Variants in PXDN observed in about 807,000 individuals in gnomAD.
PXDN encodes peroxidasin, also known as peroxidasin homolog.
A neutral mutation model predicts 140.3 loss-of-function variants in PXDN; 77 were observed. That is an observed-to-expected ratio of 0.55 (90% confidence interval 0.46 to 0.66). PXDN has a LOEUF of 0.66. PXDN is among the 30% of genes least tolerant of loss of function. The pLI, the probability that PXDN is intolerant of heterozygous loss-of-function variation, is 0.00. For synonymous variants in PXDN, 911 were observed against 857.4 expected, an observed-to-expected ratio of 1.06 and a Z score of -1.09; for missense variants, 1,838 against 2,039.5, an observed-to-expected ratio of 0.90 and a Z score of 1.90.
At chr2:1,657,998 T>C (rs1251151770) in intron 14 of PXDN, among the ~76,000 whole-genome samples, 1 of 111,604 alleles carries the variant, frequency 9.0e-6, no homozygotes, top group Non-Finnish European at 1.8e-5. Flanking sequence ...CCTTGTCTCT[T>C]CCTCCTGAGC....
chr2:1,737,284 A>G (rs1020903204), intron 1 of PXDN, among the ~76,000 whole-genome samples: 2 of 152,122 alleles, frequency 1.3e-5, no homozygotes, highest in Non-Finnish European at 2.9e-5. Flanking sequence ...TCTTAGCTTG[A>G]AACAGGAGGG....
intron 1 of PXDN, among the ~76,000 whole-genome samples, chr2:1,722,966 G>C (rs1685087739): frequency 6.6e-6 from 1 of 152,240 alleles, no homozygotes; most frequent in Non-Finnish European, 1.5e-5. Context: ...TGTATGTGTG[G>C]ATGGATGGAT....
chr2:1,739,632 C>T (rs1449187622), intron 1 of PXDN, among the ~76,000 whole-genome samples: 4 of 152,142 alleles, frequency 2.6e-5, no homozygotes. Flanking sequence ...CACATACTCC[C>T]TGGATGGCAA....
chr2:1,738,192 T>A (rs1685461309), intron 1 of PXDN, among the ~76,000 whole-genome samples: 2 of 151,950 alleles, frequency 1.3e-5, no homozygotes, highest in African/African-American at 4.9e-5. Flanking sequence ...CATTTTCTTC[T>A]GAACCCCAAA....
intron 4 of PXDN, among the ~76,000 whole-genome samples, chr2:1,684,945 G>A (rs1474109730): frequency 6.6e-6 from 1 of 152,202 alleles, no homozygotes; most frequent in Non-Finnish European, 1.5e-5. Flanking sequence ...CCTGCAACCA[G>A]CACACATTTT....
intron 1 of PXDN, among the ~76,000 whole-genome samples, chr2:1,724,477 T>C (rs1446061858): frequency 6.6e-6 from 1 of 152,156 alleles, no homozygotes; most frequent in Non-Finnish European, 1.5e-5. Flanking sequence ...TCTTTATGAG[T>C]GTTTATCTAT....
chr2:1,679,954 T>C (rs1683845946), intron 7 of PXDN, among the ~76,000 whole-genome samples: 1 of 142,176 alleles, frequency 7.0e-6, no homozygotes, highest in African/African-American at 2.6e-5. Context: ...TGTGTGTGGT[T>C]TGTGTCTACG....
chr2:1,650,395 A>G (rs1682986897), intron 16 of PXDN, among the ~76,000 whole-genome samples: 1 of 152,214 alleles, frequency 6.6e-6, no homozygotes, highest in East Asian at 1.9e-4. Flanking sequence ...CGACTAGGTC[A>G]CCTTCTTGCT....
intron 9 of PXDN, among the ~76,000 whole-genome samples, chr2:1,672,720 G>A (rs1281606484): frequency 6.6e-6 from 1 of 152,204 alleles, no homozygotes; most frequent in Non-Finnish European, 1.5e-5. Context: ...GCAGAGACCA[G>A]GCCAATTAAG....
chr2:1,679,253 G>A (rs543618275), intron 7 of PXDN, among the ~76,000 whole-genome samples: 17 of 150,288 alleles, frequency 1.1e-4, no homozygotes, highest in South Asian at 4.3e-4. Flanking sequence ...TGGCATGTGC[G>A]TGTGTGGTGT....
chr2:1,727,203 C>T (rs1011821464), intron 1 of PXDN, among the ~76,000 whole-genome samples: 6 of 152,332 alleles, frequency 3.9e-5, no homozygotes, highest in African/African-American at 1.4e-4. Flanking sequence ...GCCCACCCTC[C>T]ACCCGGAGAA....
At chr2:1,638,704 C>T (rs954592964) in intron 21 of PXDN, 142 bp downstream of exon 21, 6 of 1,321,332 alleles carry the variant, frequency 4.5e-6, no homozygotes, top group Non-Finnish European at 4.2e-6. Context: ...AGAAATGACA[C>T]CCCCAAGGCT....
chr2:1,740,860 G>A (rs1248209067), intron 1 of PXDN, among the ~76,000 whole-genome samples: 1 of 152,214 alleles, frequency 6.6e-6, no homozygotes, highest in Non-Finnish European at 1.5e-5. Context: ...TTCTGCAGGA[G>A]AGGAGGCCCC....
rs1407123799 is a variant in PXDN, at chr2:1,648,607, T to C, written c.3173A>G (p.Asn1058Ser). 1.2e-6 allele frequency: 2 copies of C among 1,611,078 alleles called. No individual in the cohort carries two copies. Among genetic ancestry groups the C allele is most frequent in the Non-Finnish European group, 1.7e-6 (2 of 1,179,220 alleles). ...GGCGAAGGCGTTGAAGATGCCAGCA[T>C]TGATGCCGGGGTCGTAGCCGTGGTA... ...GEYHGYDPGI[N>S]AGIFNAFATA... The change falls in exon 17 of 23, where the codon AAT becomes AGT. Residue 1058 changes from asparagine (N) to serine (S), a missense_variant. By Grantham distance (46) the Asn-to-Ser change is conservative. Coordinates refer to ENST00000252804, the MANE Select transcript of PXDN (RefSeq NM_012293.3). This position sits in a 1 kb window ranked among gnomAD's most constrained non-coding sequence, Gnocchi z 8.9.
At chr2:1,670,741 A>G (rs1044481022) in intron 9 of PXDN, among the ~76,000 whole-genome samples, 5 of 152,094 alleles carry the variant, frequency 3.3e-5, no homozygotes, top group Admixed American at 3.3e-4. Flanking sequence ...AAGACAAGAC[A>G]CAGATCAACA....
At chr2:1,743,573 G>A (rs1411609902) in intron 1 of PXDN, among the ~76,000 whole-genome samples, 1 of 150,528 alleles carries the variant, frequency 6.6e-6, no homozygotes, top group Admixed American at 6.6e-5. Context: ...CCCGGCGCGG[G>A]GGGATGGGGT....
intron 1 of PXDN, among the ~76,000 whole-genome samples, chr2:1,741,158 C>T (rs1281890911): frequency 6.6e-6 from 1 of 152,032 alleles, no homozygotes; most frequent in Non-Finnish European, 1.5e-5. Flanking sequence ...ACCCTAGCGG[C>T]GTGACCGTGA....
chr2:1,645,942 G>A (rs1682841740), intron 17 of PXDN: 1 of 152,276 alleles, frequency 6.6e-6, no homozygotes, highest in Admixed American at 6.5e-5. Context: ...GCCTCCACCT[G>A]AATCCAAGGA....
At position 1,714,496 on chromosome 2, in the gene PXDN, G is replaced by A. The variant is rs780854354; in HGVS notation, c.201-21362C>T. On this transcript the variant is annotated intron_variant, in intron 1 of 22. Coordinates refer to ENST00000252804, the MANE Select transcript of PXDN (RefSeq NM_012293.3). This position sits in a 1 kb window ranked among gnomAD's most constrained non-coding sequence, Gnocchi z 4.3. ...CCAATCCTCGCCCAGCAATGACCGC[G>A]GGTCCACGCTCAGGGAAATGCCCCT... 1.3e-5 allele frequency among the ~76,000 whole-genome samples: 2 copies of A among 152,088 alleles called. No individual in the cohort carries two copies. The highest frequency in any genetic ancestry group is 2.9e-5 in the Non-Finnish European group (2 of 68,026).
Sources: allele counts gnomAD v4.1 joint callset (sites outside exome capture counted in the v4.1 genomes callset), GRCh38; gene constraint gnomAD v4.1.1; non-coding constraint Gnocchi (gnomAD v3.1); transcripts MANE v1.5; gene names NCBI Gene and HGNC (gene_info 2026-07-23, HGNC 2026-07-21).